LUC7L: variants seen among roughly 807,000 people sequenced by gnomAD.
LUC7L encodes LUC7 like.
In LUC7L, 29 loss-of-function variants were observed where a neutral mutation model predicts 51.1. The ratio of observed to expected loss-of-function variants is 0.57; its 90% confidence interval spans 0.42 to 0.77. The LOEUF (loss-of-function observed/expected upper bound fraction) is 0.77. Ranked by LOEUF, LUC7L falls within the 30% of genes least tolerant of loss-of-function variation. The pLI, the probability that LUC7L is intolerant of heterozygous loss-of-function variation, is 0.00. For missense variants in LUC7L, 403 were observed against 511.9 expected (o/e 0.79, Z 2.05); for synonymous variants, 181 against 180.7 (o/e 1.00, Z -0.01).
intron 2 of LUC7L, among the ~76,000 whole-genome samples, chr16:222,956 A>G (rs1469239073): frequency 6.6e-6 from 1 of 151,002 alleles, no homozygotes; most frequent in Admixed American, 6.6e-5. Context: ...TCTTTTAAAA[A>G]AAAAAAAAAA....
At chr16:205,791 T>G (rs1029769040) in intron 5 of LUC7L, among the ~76,000 whole-genome samples, 3 of 152,104 alleles carry the variant, frequency 2.0e-5, no homozygotes, top group Non-Finnish European at 4.4e-5. Context: ...GGGGATTCGC[T>G]GTGTTAGCCA....
chr16:195,138 G>A (rs555435672), intron 6 of LUC7L, among the ~76,000 whole-genome samples: 19 of 152,182 alleles, frequency 1.2e-4, no homozygotes, highest in African/African-American at 4.1e-4. Context: ...GTTTAAGGAT[G>A]GCATTTAAGC....
intron 2 of LUC7L, 101 bp downstream of exon 2, chr16:227,141 A>G: frequency 1.1e-6 from 1 of 901,294 alleles, no homozygotes; most frequent in Non-Finnish European, 1.7e-6. Context: ...CTTAGAGAAA[A>G]AGAGACTTAA....
chr16:228,592 G>A (rs1322415241), intron 1 of LUC7L: 4 of 1,190,438 alleles, frequency 3.4e-6, no homozygotes, highest in Non-Finnish European at 3.2e-6. Flanking sequence ...TTACTCAGCA[G>A]AAAAGAAAAC....
chr16:203,757 C>A (rs1456193060), intron 5 of LUC7L, among the ~76,000 whole-genome samples: 1 of 151,786 alleles, frequency 6.6e-6, no homozygotes, highest in East Asian at 1.9e-4. Flanking sequence ...TGGCTCACAC[C>A]TGTAATCCCA....
rs765451687 is a variant in LUC7L, at chr16:190,579, G to A, written c.777-9C>T. ...TGGTTCTTGATCCCGACCTAAAAGG[G>A]GGAAAAAAAGATGAACAAGGCCAGG... is the stretch of plus-strand genomic sequence containing the variant. On this transcript the variant is annotated splice_polypyrimidine_tract_variant and intron_variant, in intron 7 of 9. Transcript: ENST00000293872. The A allele has an allele frequency of 6.8e-6, 11 of 1,612,792 alleles. No homozygotes were observed. Among genetic ancestry groups the A allele is most frequent in the South Asian group, 1.1e-5 (1 of 91,018 alleles).
intron 3 of LUC7L, among the ~76,000 whole-genome samples, chr16:210,349 A>G (rs2049605052): frequency 6.6e-6 from 1 of 152,216 alleles, no homozygotes; most frequent in African/African-American, 2.4e-5. Flanking sequence ...ACATTTCAGT[A>G]TGTTCAAATC....
rs1279346659 is a variant in LUC7L, at chr16:206,066, C to T, written c.448G>A (p.Asp150Asn). The stretch of plus-strand genomic sequence containing the variant: ...TCCATAAGAATCTTCTGGGATTCAT[C>T]CACATTACCTTCAGCCCCTAGCTGT... ...AEQLGAEGNV[D>N]ESQKILMEVE... is the part of the protein sequence containing the mutation. Residue 150 changes from aspartate to asparagine, a missense_variant, in exon 5 of 10, where the codon GAT becomes AAT. Around this residue, in one of 3 missense-constraint regions of LUC7L, gnomAD observed 182 missense variants for 248.4 expected, o/e 0.73. Transcript: ENST00000293872. 6.2e-6 allele frequency: 10 copies of T among 1,613,734 alleles called. No individual in the cohort carries two copies. The highest frequency in any genetic ancestry group is 4.0e-5 in the African/African-American group (3 of 74,906).
chr16:194,648 TGA>T (rs1347455477), intron 6 of LUC7L, among the ~76,000 whole-genome samples: 1 of 152,126 alleles, frequency 6.6e-6, no homozygotes. Flanking sequence ...TAGAACAAAC[TGA>T]GTTGGAGGAC....
intron 9 of LUC7L, chr16:189,661 A>C: frequency 7.5e-7 from 1 of 1,324,994 alleles, no homozygotes; most frequent in African/African-American, 1.5e-5. Context: ...ACAAAAACCA[A>C]AACAGAGGTA....
At chr16:224,122 T>C (rs1170041567) in intron 2 of LUC7L, among the ~76,000 whole-genome samples, 1 of 152,176 alleles carries the variant, frequency 6.6e-6, no homozygotes, top group African/African-American at 2.4e-5. Flanking sequence ...AAAAAGCTAC[T>C]ACCAAAGGAA....
chr16:211,984 G>A lies in LUC7L; in HGVS notation c.256-3796C>T, dbSNP rs533934339. Among the ~76,000 whole-genome samples, 14 of 152,150 alleles carry A rather than the reference G, an allele frequency of 9.2e-5. No individual in the cohort carries two copies. The South Asian group carries it at 2.9e-3, about 31-fold the overall frequency. ...CCCTTGTGCTGCACTAGGCACGTGC[G>A]CTAAACACCTCCAAAGAGCCGCAGA... On this transcript the variant is annotated intron_variant, in intron 3 of 9. Transcript: ENST00000293872.
chr16:224,507 G>A (rs1417039056), intron 2 of LUC7L, among the ~76,000 whole-genome samples: 1 of 138,728 alleles, frequency 7.2e-6, no homozygotes, highest in Non-Finnish European at 1.5e-5. Context: ...CAACAAGAGC[G>A]AAACTCAGTC....
chr16:223,671 TTTTC>T (rs1181766878), intron 2 of LUC7L, among the ~76,000 whole-genome samples: 4 of 151,812 alleles, frequency 2.6e-5, no homozygotes, highest in African/African-American at 7.3e-5. Context: ...TCACTCTGTT[TTTTC>T]TTTTTTTTTT....
At chr16:216,187 G>C (rs1180963667) in intron 3 of LUC7L, among the ~76,000 whole-genome samples, 1 of 151,360 alleles carries the variant, frequency 6.6e-6, no homozygotes, top group Non-Finnish European at 1.5e-5. Flanking sequence ...TTTTAATAGA[G>C]ATGGGGGTTT....
intron 6 of LUC7L, 46 bp from the exon 7 acceptor site, chr16:193,061 CAG>C (rs1378822513): frequency 6.8e-7 from 1 of 1,480,742 alleles, no homozygotes. Flanking sequence ...TTACACAAAC[CAG>C]AGTGTGAATG....
chr16:192,637 G>C, intron 7 of LUC7L, among the ~76,000 whole-genome samples: 1 of 151,522 alleles, frequency 6.6e-6, no homozygotes, highest in Non-Finnish European at 1.5e-5. Context: ...CGAGTAGCTA[G>C]GATTACAGGC....
intron 2 of LUC7L, among the ~76,000 whole-genome samples, chr16:221,086 C>G (rs1305814651): frequency 6.6e-6 from 1 of 152,058 alleles, no homozygotes; most frequent in Non-Finnish European, 1.5e-5. Context: ...GTGGCGCGAC[C>G]TCAGCTTACT....
intron 4 of LUC7L, among the ~76,000 whole-genome samples, chr16:207,274 C>G (rs1030152785): frequency 6.6e-6 from 1 of 151,692 alleles, no homozygotes; most frequent in African/African-American, 2.4e-5. Context: ...CAGGCTGAAG[C>G]AAAGTAGCAT....
Sources: allele counts gnomAD v4.1 joint callset (sites outside exome capture counted in the v4.1 genomes callset), GRCh38; gene constraint gnomAD v4.1.1; regional missense constraint gnomAD v4.1.1; transcripts MANE v1.5; gene names NCBI Gene and HGNC (gene_info 2026-07-23, HGNC 2026-07-21).